Variants in KLRD1 observed in about 807,000 individuals in gnomAD.
KLRD1 encodes killer cell lectin like receptor D1, also known as natural killer cells antigen CD94.
KLRD1 carries 21 observed loss-of-function variants against 22.6 expected under a neutral mutation model. The ratio of observed to expected loss-of-function variants is 0.93; its 90% CI spans 0.66 to 1.34. KLRD1 has a LOEUF of 1.34. KLRD1 is among the 40% of genes most tolerant of loss of function. The pLI is 0.00. For missense variants in KLRD1, 183 were observed against 208.6 expected (o/e 0.88, Z 0.76); for synonymous variants, 59 against 71.1 (o/e 0.83, Z 0.85).
chr12:10,283,226 G>C (rs1356030187), intron 1 of KLRD1, among the ~76,000 whole-genome samples: 1 of 152,228 alleles, frequency 6.6e-6, no homozygotes, highest in Non-Finnish European at 1.5e-5. Flanking sequence ...CACCACAGTG[G>C]CTGGTGCCTG....
At position 10,315,429 on chromosome 12, in the gene KLRD1, T is replaced by A. The variant is rs1330962295; in HGVS notation, c.*636T>A. ...GTGTGAACCACCATCCCTGGCCCTC[T>A]TCACATTCTTGTATGAAGATTGATT... On this transcript the variant is annotated 3_prime_UTR_variant, in exon 6 of 6. Transcript: ENST00000336164. The A allele has an allele frequency of 1.0e-5, 2 of 199,440 alleles. No individual in the cohort carries two copies. Among genetic ancestry groups the A allele is most frequent in the Non-Finnish European group, 2.1e-5 (2 of 94,884 alleles). 12.4% of individuals were successfully genotyped at this position (199,440 alleles called of 1,614,324 possible).
At chr12:10,300,939 G>A (rs990431012), upstream of KLRD1, among the ~76,000 whole-genome samples, 4 of 152,112 alleles carry the variant, frequency 2.6e-5, no homozygotes, top group East Asian at 1.9e-4. Context: ...GTTTTCTTCT[G>A]CAGCTTCCTC....
rs1950346971 is a variant in KLRD1 at position 10,324,870 on chromosome 12, A to G, written c.*10077A>G. On this transcript the variant is annotated 3_prime_UTR_variant, in exon 6 of 6. Transcript: ENST00000336164. Reference sequence around the variant, plus strand: ...CATTTACACAGTTGATTCTAAGTGTATCTTTTATTGTTTAACCTGCCTAAA... The same window carrying G: ...CATTTACACAGTTGATTCTAAGTGTGTCTTTTATTGTTTAACCTGCCTAAA... 1 of 134,700 alleles carries G rather than the reference A, an allele frequency of 7.4e-6. No individual in the cohort carries two copies. Among genetic ancestry groups the G allele is most frequent in the Non-Finnish European group, 1.6e-5 (1 of 62,746 alleles). 8.3% of individuals were successfully genotyped at this position (134,700 alleles called of 1,614,324 possible).
At chr12:10,240,740 G>A (rs188486003) in intron 1 of KLRD1, among the ~76,000 whole-genome samples, 7 of 152,084 alleles carry the variant, frequency 4.6e-5, no homozygotes, top group East Asian at 1.9e-4. Flanking sequence ...TGATTTTATC[G>A]GTCAGTACAT....
intron 1 of KLRD1, among the ~76,000 whole-genome samples, chr12:10,241,815 T>C (rs1052587023): frequency 5.9e-5 from 9 of 152,174 alleles, no homozygotes; most frequent in African/African-American, 1.9e-4. Context: ...CATTCACATA[T>C]AGAATGGATA....
At chr12:10,275,170 G>A (rs533988608) in intron 1 of KLRD1, among the ~76,000 whole-genome samples, 45 of 152,252 alleles carry the variant, frequency 3.0e-4, no homozygotes, top group South Asian at 2.3e-3. Flanking sequence ...GATTATAGGC[G>A]TGAGCCACCG....
In KLRD1 at chr12:10,261,486, A is replaced by G. The variant is rs150304618; in HGVS notation, c.-101+35253A>G. Among the ~76,000 whole-genome samples the G allele has an allele frequency of 3.7e-3, 564 of 152,348 alleles. 2 individuals carry two copies. Among genetic ancestry groups the G allele is most frequent in the African/African-American group, 0.012 (510 of 41,586 alleles). ...ATTCACATTCCAAACAATAATTAGT[A>G]TCAAAATAGTCCTTATGAAGAGCTA... On this transcript the variant is annotated intron_variant, in intron 1 of 5. Transcript: ENST00000544747.
intron 1 of KLRD1, among the ~76,000 whole-genome samples, chr12:10,282,675 T>G (rs186854509): frequency 1.3e-5 from 2 of 152,348 alleles, no homozygotes; most frequent in Admixed American, 1.3e-4. Flanking sequence ...CTTTCTCTTT[T>G]GTAAGAAATA....
intron 1 of KLRD1, among the ~76,000 whole-genome samples, chr12:10,292,078 T>C (rs368057881): frequency 1.0e-3 from 159 of 152,350 alleles, no homozygotes; most frequent in African/African-American, 3.6e-3. Context: ...GTCTTTGCGA[T>C]TGTAAATAGT....
intron 4 of KLRD1, 53 bp downstream of exon 4, chr12:10,311,668 A>G: frequency 1.3e-6 from 2 of 1,561,252 alleles, no homozygotes; most frequent in Non-Finnish European, 1.8e-6. Context: ...AAAATATACT[A>G]TCTAAACAAG....
At position 10,314,973 on chromosome 12, in the gene KLRD1, C is replaced by G; in HGVS notation, c.*180C>G. 1 of 475,678 alleles carries G rather than the reference C, an allele frequency of 2.1e-6. No individual in the cohort carries two copies. The highest frequency in any genetic ancestry group is 4.0e-5 in the East Asian group (1 of 24,792). 29.5% of individuals were successfully genotyped at this position (475,678 alleles called of 1,614,324 possible). On this transcript the variant is annotated 3_prime_UTR_variant, in exon 6 of 6. Transcript: ENST00000336164. ...TGTTTTAAAATTGATGAAATTCGTT[C>G]ACCTACATTTGAGAATTATAAAATT...
chr12:10,253,238 C>T (rs534633482), intron 1 of KLRD1, among the ~76,000 whole-genome samples: 1 of 151,856 alleles, frequency 6.6e-6, no homozygotes, highest in East Asian at 1.9e-4. Context: ...TACTTTTTGC[C>T]CCCTCCTATG....
intron 1 of KLRD1, among the ~76,000 whole-genome samples, chr12:10,293,169 C>CATATATATATATATATATAT (rs1565462121): frequency 1.5e-4 from 3 of 19,654 alleles, no homozygotes; most frequent in Non-Finnish European, 4.3e-4. Context: ...TATATATATA[C>CATATATATATATATATATAT]ACATATACAC....
At chr12:10,291,963 G>A (rs1399309340) in intron 1 of KLRD1, among the ~76,000 whole-genome samples, 1 of 152,102 alleles carries the variant, frequency 6.6e-6, no homozygotes, top group Admixed American at 6.5e-5. Context: ...CCCTGCAAAG[G>A]ACATAATCTC....
intron 3 of KLRD1, among the ~76,000 whole-genome samples, chr12:10,310,558 G>C (rs1950039164): frequency 6.6e-6 from 1 of 152,176 alleles, no homozygotes; most frequent in African/African-American, 2.4e-5. Context: ...CCAGCTCTTT[G>C]GGAGGCTGAG....
Position 10,324,603 on chromosome 12 carries a change from T to C in KLRD1, c.*9810T>C, listed in dbSNP as rs908456093. Reference sequence around the variant, plus strand: ...TTTATGTCTGCATAGTATTCCATGGTGTATATGTACCACATTTTCTTTACC... The same window carrying C: ...TTTATGTCTGCATAGTATTCCATGGCGTATATGTACCACATTTTCTTTACC... On this transcript the variant is annotated 3_prime_UTR_variant, in exon 6 of 6. Transcript: ENST00000336164. 2.0e-5 allele frequency: 3 copies of C among 151,842 alleles called. No individual in the cohort carries two copies. Among genetic ancestry groups the C allele is most frequent in the Admixed American group, 6.6e-5 (1 of 15,238 alleles). The allele number at this position is 151,842 out of a possible 1,614,324, so 9.4% of individuals were successfully genotyped here.
Position 10,318,216 on chromosome 12 carries a change from T to G in KLRD1, c.*3423T>G, listed in dbSNP as rs1259264021. 1 of 152,220 alleles carries G rather than the reference T, an allele frequency of 6.6e-6. No individual in the cohort carries two copies. Among genetic ancestry groups the G allele is most frequent in the Non-Finnish European group, 1.5e-5 (1 of 68,040 alleles). The allele number at this position is 152,220 out of a possible 1,614,324, so 9.4% of individuals were successfully genotyped here. On this transcript the variant is annotated 3_prime_UTR_variant, in exon 6 of 6. Coordinates refer to ENST00000336164, the MANE Select transcript of KLRD1 (RefSeq NM_002262.5). ...TGCCTAGGTGTCTGTTTTTGACTCT[T>G]GGCCATGATATGGGTAGTAGGCTAA...
At position 10,319,472 on chromosome 12, in the gene KLRD1, G is replaced by C. The variant is rs1950290247; in HGVS notation, c.*4679G>C. On this transcript the variant is annotated 3_prime_UTR_variant, in exon 6 of 6. Coordinates refer to ENST00000336164, the MANE Select transcript of KLRD1 (RefSeq NM_002262.5). ...ACATTGTATCAAGGTTGCTCTGTGT[G>C]ACCAATGAAATAAAGTGGAAATGAT... 6.6e-6 allele frequency: 1 copy of C among 152,166 alleles called. No homozygotes were observed. The highest frequency in any genetic ancestry group is 1.5e-5 in the Non-Finnish European group (1 of 68,032). 9.4% of individuals were successfully genotyped at this position (152,166 alleles called of 1,614,324 possible).
At chr12:10,295,702 G>C (rs1949815551) in intron 1 of KLRD1, among the ~76,000 whole-genome samples, 1 of 151,770 alleles carries the variant, frequency 6.6e-6, no homozygotes, top group Admixed American at 6.6e-5. Context: ...AAATAAAACA[G>C]AAACATTTAC....
Sources: allele counts gnomAD v4.1 joint callset (sites outside exome capture counted in the v4.1 genomes callset), GRCh38; gene constraint gnomAD v4.1.1; transcripts MANE v1.5; gene names NCBI Gene and HGNC (gene_info 2026-07-23, HGNC 2026-07-21).